PCMTD2: variants seen among roughly 807,000 people sequenced by gnomAD.
The protein encoded by PCMTD2 is protein-L-isoaspartate (D-aspartate) O-methyltransferase domain containing 2, also known as protein-L-isoaspartate O-methyltransferase domain-containing protein 2.
In PCMTD2, 16 loss-of-function variants were observed where a neutral mutation model predicts 33.4. That is an observed-to-expected ratio of 0.48 (90% CI 0.32 to 0.73). The LOEUF (loss-of-function observed/expected upper bound fraction) is 0.73. Among genes scored for constraint, PCMTD2 ranks in the 30% least tolerant of loss-of-function variants. The probability of loss-of-function intolerance (pLI) is 0.03; values close to 1 mark genes in which losing one functional copy is unlikely to be tolerated. For synonymous variants in PCMTD2, 161 were observed against 160.8 expected, an observed-to-expected ratio of 1.00 and a Z score of -0.01; for missense variants, 374 against 449.9, an observed-to-expected ratio of 0.83 and a Z score of 1.53.
At chr20:64,266,311 G>T (rs1239623116) in intron 4 of PCMTD2, among the ~76,000 whole-genome samples, 1 of 152,166 alleles carries the variant, frequency 6.6e-6, no homozygotes, top group African/African-American at 2.4e-5. Flanking sequence ...AGGCTGGAGT[G>T]CAGTGGCGCG....
chr20:64,256,565 C>T (rs1985178509), intron 1 of PCMTD2: 1 of 152,202 alleles, frequency 6.6e-6, no homozygotes, highest in Non-Finnish European at 1.5e-5. Flanking sequence ...GGCTAAACAG[C>T]TCCTATCTGG....
intron 1 of PCMTD2, 51 bp from the exon 2 acceptor site, chr20:64,259,891 C>A: frequency 1.1e-6 from 1 of 871,386 alleles, no homozygotes; most frequent in Non-Finnish European, 1.8e-6. Context: ...TTCTATTGTT[C>A]TGCTCTTACC....
Position 64,268,005 on chromosome 20 carries a change from A to G in PCMTD2, c.701A>G (p.Gln234Arg). ...HSESGKSRLV[Q>R]LPPVAVRSLQ... ...GAGTCAGGAAAATCAAGACTTGTCC[A>G]GTTACGTAAGTATACCAATCTTTAC... The change falls in exon 5 of 6, where the codon CAG (glutamine) becomes CGG (arginine). Residue 234 changes from glutamine (Q) to arginine (R), a missense_variant. Gln to Arg is a conservative substitution (Grantham distance 43). Transcript: ENST00000308824. 6.2e-7 allele frequency: 1 copy of G among 1,610,390 alleles called. No homozygotes were observed. Among genetic ancestry groups the G allele is most frequent in the South Asian group, 1.1e-5 (1 of 90,854 alleles).
At chr20:64,272,595 G>A (rs1217171517) in intron 5 of PCMTD2, among the ~76,000 whole-genome samples, 1 of 152,218 alleles carries the variant, frequency 6.6e-6, no homozygotes, top group Non-Finnish European at 1.5e-5. Context: ...GAGGTGGGCG[G>A]ATCACTTGAT....
chr20:64,273,545 G>A lies in PCMTD2; in HGVS notation c.1031G>A (p.Ser344Asn). ...PVNFLRQKVLSLPLPDPLKYY... is the reference protein window; with the variant it reads ...PVNFLRQKVLNLPLPDPLKYY... ...AACTTCCTACGCCAGAAGGTCCTGA[G>A]CCTCCCTCTGCCAGATCCCCTGAAA... The change falls in exon 6 of 6, where the codon AGC (serine) becomes AAC (asparagine). Residue 344 changes from serine (S) to asparagine (N), a missense_variant. Transcript: ENST00000308824. The A allele has an allele frequency of 6.5e-7, 1 of 1,543,204 alleles. No individual in the cohort carries two copies.
At position 64,274,723 on chromosome 20, in the gene PCMTD2, C is replaced by T. The variant is rs1034740566; in HGVS notation, c.*1123C>T. On this transcript the variant is annotated 3_prime_UTR_variant, in exon 6 of 6. Transcript: ENST00000308824. The stretch of plus-strand genomic sequence containing the variant: ...GCTCCATTGCATGAGAAGAGTGTAA[C>T]TCACACTGACTTGTGATATCAGCCT... The T allele has an allele frequency of 3.3e-5, 5 of 152,172 alleles. No individual in the cohort carries two copies. Among genetic ancestry groups the T allele is most frequent in the Admixed American group, 1.3e-4 (2 of 15,278 alleles). 9.4% of individuals were successfully genotyped at this position (152,172 alleles called of 1,614,324 possible).
At position 64,268,145 on chromosome 20, in the gene PCMTD2, A is replaced by ATGTG; in HGVS notation, c.706+135_706+136insTGTG. On this transcript the variant is annotated intron_variant, in intron 5 of 5. Coordinates refer to ENST00000308824, the MANE Select transcript of PCMTD2 (RefSeq NM_018257.3). Reference sequence around the variant, plus strand: ...TCCCATGCTGAAACTGTAAAATTCTACAAGCAATTTCAGGCATTATAAAAA... The same window carrying ATGTG: ...TCCCATGCTGAAACTGTAAAATTCTATGTGCAAGCAATTTCAGGCATTATAAAAA... The ATGTG allele has an allele frequency of 7.0e-4, 419 of 596,274 alleles. 2 individuals carry two copies. Among genetic ancestry groups the ATGTG allele is most frequent in the African/African-American group, 6.9e-3 (372 of 54,098 alleles). 36.9% of individuals were successfully genotyped at this position (596,274 alleles called of 1,614,324 possible).
intron 2 of PCMTD2, among the ~76,000 whole-genome samples, chr20:64,264,091 A>T (rs1278842119): frequency 1.3e-5 from 2 of 152,224 alleles, no homozygotes; most frequent in Non-Finnish European, 2.9e-5. Flanking sequence ...CTTTTCAGGG[A>T]AAACAGAATC....
At chr20:64,259,386 C>CTTTTTTT (rs3076992) in intron 1 of PCMTD2, among the ~76,000 whole-genome samples, 4 of 118,700 alleles carry the variant, frequency 3.4e-5, no homozygotes, top group South Asian at 2.7e-4. Context: ...TTTCTTTTCT[C>CTTTTTTT]TTTTTTTTTT....
At chr20:64,266,124 A>G (rs1985647327) in intron 4 of PCMTD2, among the ~76,000 whole-genome samples, 1 of 152,234 alleles carries the variant, frequency 6.6e-6, no homozygotes, top group East Asian at 1.9e-4. Flanking sequence ...GCTGGAGTAC[A>G]GTGGCATGAT....
chr20:64,270,170 T>G (rs1601746889), intron 5 of PCMTD2, among the ~76,000 whole-genome samples: 2 of 76,422 alleles, frequency 2.6e-5, no homozygotes, highest in Admixed American at 1.4e-4. Flanking sequence ...CGTTGTGGGG[T>G]CGTGTGGGTG....
chr20:64,259,703 C>G (rs1985320002), intron 1 of PCMTD2: 3 of 501,190 alleles, frequency 6.0e-6, no homozygotes, highest in Non-Finnish European at 1.1e-5. Context: ...ATTTGAATTT[C>G]AAATAAACGT....
rs368178694 is a variant in PCMTD2, at chr20:64,272,233, A to G, written c.707-988A>G. The G allele has an allele frequency of 5.2e-5, 24 of 458,064 alleles. No individual in the cohort carries two copies. The East Asian group carries it at 1.1e-3, about 21-fold the overall frequency. 28.4% of individuals were successfully genotyped at this position (458,064 alleles called of 1,614,324 possible). On this transcript the variant is annotated intron_variant, in intron 5 of 5. Transcript: ENST00000308824. ...CTGTGCAGGCCTTTCTGACTTTGGT[A>G]ATAAACGTTGTGCACAACACAAGAG...
intron 5 of PCMTD2, among the ~76,000 whole-genome samples, 196 bp downstream of exon 5, chr20:64,268,206 A>G (rs1985735971): frequency 6.6e-6 from 1 of 152,264 alleles, no homozygotes; most frequent in Admixed American, 6.5e-5. Context: ...AGGTAATTTT[A>G]GCCGTCTTTT....
Position 64,264,421 on chromosome 20 carries a change from C to T in PCMTD2, c.308-8C>T. On this transcript the variant is annotated splice_polypyrimidine_tract_variant and splice_region_variant and intron_variant, in intron 2 of 5. Transcript: ENST00000308824. ...TTCTACATGTTTTCTTATTCTTAAACCTTTTAGGTCCTTTTGGTGTGAACC... is the reference window on the plus strand; with the variant it reads ...TTCTACATGTTTTCTTATTCTTAAATCTTTTAGGTCCTTTTGGTGTGAACC... The T allele has an allele frequency of 1.4e-6, 2 of 1,437,580 alleles. No homozygotes were observed. The highest frequency in any genetic ancestry group is 2.0e-6 in the Non-Finnish European group (2 of 1,019,460). 89.1% of individuals were successfully genotyped at this position (1,437,580 alleles called of 1,614,324 possible).
chr20:64,273,629 A>C lies in PCMTD2; in HGVS notation c.*29A>C, dbSNP rs140298258. 1,167 of 1,509,884 alleles carry C rather than the reference A, an allele frequency of 7.7e-4. 3 individuals carry two copies. The highest frequency in any genetic ancestry group is 7.4e-3 in the African/African-American group (532 of 71,664). The allele number at this position is 1,509,884 out of a possible 1,614,324, so 93.5% of individuals were successfully genotyped here. A position where few individuals can be genotyped will look rare whatever the true frequency, so the allele number is the denominator to read the frequency against. ...TCCTGTTTGAAAGGGGGAAATAGGA[A>C]GAGCAGATTGCTGAGTGTGAAGTTC... On this transcript the variant is annotated 3_prime_UTR_variant, in exon 6 of 6. Transcript: ENST00000308824.
At chr20:64,261,612 T>C (rs1355478138) in intron 2 of PCMTD2, among the ~76,000 whole-genome samples, 3 of 149,610 alleles carry the variant, frequency 2.0e-5, no homozygotes, top group East Asian at 1.9e-4. Flanking sequence ...GTTTTTTTTT[T>C]CTAAGTCTGT....
In PCMTD2 at chr20:64,269,428, G is replaced by A. The variant is rs548491718; in HGVS notation, c.706+1418G>A. 3.9e-5 allele frequency among the ~76,000 whole-genome samples: 6 copies of A among 152,320 alleles called. No individual in the cohort carries two copies. In the South Asian group the frequency reaches 1.2e-3, roughly 32 times the overall value. ...TCATGACAATGTGGTGGGCAGTTTG[G>A]ATGCTTGTTTTGAGGAGATGGCTTT... On this transcript the variant is annotated intron_variant, in intron 5 of 5. Transcript: ENST00000308824.
Position 64,274,779 on chromosome 20 carries a change from A to G in PCMTD2, c.*1179A>G, listed in dbSNP as rs561480391. The G allele has an allele frequency of 5.3e-5, 8 of 152,356 alleles. No homozygotes were observed. Among genetic ancestry groups the G allele is most frequent in the Admixed American group, 3.9e-4 (6 of 15,304 alleles). The allele number at this position is 152,356 out of a possible 1,614,324, so 9.4% of individuals were successfully genotyped here. ...GGGCCTTGTGTGTGGAGAGCTTTCT[A>G]TCTTACCAAGTGGTAGGGCTAAAAG... is the stretch of plus-strand genomic sequence containing the variant. On this transcript the variant is annotated 3_prime_UTR_variant, in exon 6 of 6. Coordinates refer to ENST00000308824, the MANE Select transcript of PCMTD2 (RefSeq NM_018257.3).
Sources: allele counts gnomAD v4.1 joint callset (sites outside exome capture counted in the v4.1 genomes callset), GRCh38; gene constraint gnomAD v4.1.1; transcripts MANE v1.5; gene names NCBI Gene and HGNC (gene_info 2026-07-23, HGNC 2026-07-21).